The following KRTAP21-1 variants were observed in gnomAD, a reference collection of about 807,000 sequenced individuals.
KRTAP21-1 encodes the protein keratin associated protein 21-1.
For synonymous variants in KRTAP21-1, 29 were observed against 39.7 expected (o/e 0.73, Z 1.01); for missense variants, 75 against 96.3 (o/e 0.78, Z 0.92).
In KRTAP21-1 at chr21:30,755,038, T is replaced by C; in HGVS notation, c.*101A>G. 1.3e-6 allele frequency: 2 copies of C among 1,585,104 alleles called. No individual in the cohort carries two copies. The highest frequency in any genetic ancestry group is 2.2e-5 in the South Asian group (2 of 89,410). ...TAGAGGTCGAAGATTCTGTCAAGCA[T>C]GTAATTCTTGGATATAGAAATCTTG... is the stretch of plus-strand genomic sequence containing the variant. On this transcript the variant is annotated 3_prime_UTR_variant, in exon 1 of 1. Transcript: ENST00000335093.
rs544566176 is a variant in KRTAP21-1 at position 30,755,246 on chromosome 21, G to C, written c.133C>G (p.His45Asp). Residue 45 changes from histidine to aspartate, a missense_variant, in exon 1 of 1, where the codon CAT becomes GAT. Transcript: ENST00000335093. ...GCGYGCGFGS[H>D]YGCGYGTGYG... ...CCAGTTCCATAACCACAGCCATAATGGGAGCCAAACCCACAGCCATACCCA... is the reference window on the plus strand; with the variant it reads ...CCAGTTCCATAACCACAGCCATAATCGGAGCCAAACCCACAGCCATACCCA... The C allele has an allele frequency of 6.2e-7, 1 of 1,613,436 alleles. No homozygotes were observed. The highest frequency in any genetic ancestry group is 1.3e-5 in the African/African-American group (1 of 74,864).
chr21:30,755,361 G>T, the KRTAP21-1 span: 2 of 1,610,136 alleles, frequency 1.2e-6, no homozygotes, highest in South Asian at 2.2e-5. Context: ...AGGAGTTGCC[G>T]TAGTAGTTGC....
In KRTAP21-1 at chr21:30,755,084, G is replaced by C; in HGVS notation, c.*55C>G. 1 of 1,610,196 alleles carries C rather than the reference G, an allele frequency of 6.2e-7. No homozygotes were observed. The highest frequency in any genetic ancestry group is 8.5e-7 in the Non-Finnish European group (1 of 1,179,826). ...TCTTGGAGTACGAATCCTTGAATCAGCATTATCTTCAGACGTGTCATTTTA... is the reference window on the plus strand; with the variant it reads ...TCTTGGAGTACGAATCCTTGAATCACCATTATCTTCAGACGTGTCATTTTA... On this transcript the variant is annotated 3_prime_UTR_variant, in exon 1 of 1. Transcript: ENST00000335093.
chr21:30,755,046 T>C lies in KRTAP21-1; in HGVS notation c.*93A>G. On this transcript the variant is annotated 3_prime_UTR_variant, in exon 1 of 1. Transcript: ENST00000335093. The stretch of plus-strand genomic sequence containing the variant: ...GAAGATTCTGTCAAGCATGTAATTC[T>C]TGGATATAGAAATCTTGGAGTACGA... 2.5e-6 allele frequency: 4 copies of C among 1,594,526 alleles called. No homozygotes were observed. The highest frequency in any genetic ancestry group is 3.4e-6 in the Non-Finnish European group (4 of 1,174,948).
Position 30,755,397 on chromosome 21 carries a change from T to C in KRTAP21-1, c.-19A>G, listed in dbSNP as rs538111756. The C allele has an allele frequency of 3.8e-5, 61 of 1,584,978 alleles. No homozygotes were observed. Among genetic ancestry groups the C allele is most frequent in the Non-Finnish European group, 3.9e-5 (45 of 1,164,416 alleles). ...AACACATGTTGTCAAGAGGAGAGAATTGAGATGGGTTTCAAGAAGATGCTT... is the reference window on the plus strand; with the variant it reads ...AACACATGTTGTCAAGAGGAGAGAACTGAGATGGGTTTCAAGAAGATGCTT... On this transcript the variant is annotated 5_prime_UTR_variant, in exon 1 of 1. Transcript: ENST00000335093.
chr21:30,755,103 C>A lies in KRTAP21-1; in HGVS notation c.*36G>T. On this transcript the variant is annotated 3_prime_UTR_variant, in exon 1 of 1. Transcript: ENST00000335093. ...GAATCAGCATTATCTTCAGACGTGTCATTTTAGAAGCAAATGGTCCTCCGA... is the reference window on the plus strand; with the variant it reads ...GAATCAGCATTATCTTCAGACGTGTAATTTTAGAAGCAAATGGTCCTCCGA... 1 of 1,612,876 alleles carries A rather than the reference C, an allele frequency of 6.2e-7. No homozygotes were observed.
chr21:30,755,081 T>A lies in KRTAP21-1; in HGVS notation c.*58A>T. The A allele has an allele frequency of 1.9e-6, 3 of 1,609,800 alleles. No homozygotes were observed. Among genetic ancestry groups the A allele is most frequent in the East Asian group, 2.2e-5 (1 of 44,872 alleles). ...AAATCTTGGAGTACGAATCCTTGAA[T>A]CAGCATTATCTTCAGACGTGTCATT... On this transcript the variant is annotated 3_prime_UTR_variant, in exon 1 of 1. Coordinates refer to ENST00000335093, the MANE Select transcript of KRTAP21-1 (RefSeq NM_181619.2).
rs147233060 is a variant in KRTAP21-1 at position 30,755,305 on chromosome 21, C to T, written c.74G>A (p.Gly25Asp). Reference sequence around the variant, plus strand: ...GCCAGTTCCATAGCCACAGCCACAGCCAGAGCCAGAGCCATAGCCACAGCC... The same window carrying T: ...GCCAGTTCCATAGCCACAGCCACAGTCAGAGCCAGAGCCATAGCCACAGCC... ...GCGCGYGSGS[G>D]CGCGYGTGYG... is the part of the protein sequence containing the mutation. Residue 25 changes from glycine (G) to aspartate (D), a missense_variant, in exon 1 of 1, where the codon GGC becomes GAC. Physicochemically the swap from Gly to Asp is moderately conservative, Grantham distance 94. Coordinates refer to ENST00000335093, the MANE Select transcript of KRTAP21-1 (RefSeq NM_181619.2). 1,151 of 1,613,342 alleles carry T rather than the reference C, an allele frequency of 7.1e-4. 2 individuals carry two copies. Among genetic ancestry groups the T allele is most frequent in the Non-Finnish European group, 9.3e-4 (1,103 of 1,179,898 alleles).
At position 30,755,302 on chromosome 21, in the gene KRTAP21-1, C is replaced by G. The variant is rs756508715; in HGVS notation, c.77G>C (p.Cys26Ser). The G allele has an allele frequency of 6.2e-7, 1 of 1,612,786 alleles. No homozygotes were observed. Residue 26 changes from cysteine to serine, a missense_variant, in exon 1 of 1, where the codon TGT becomes TCT. By Grantham distance (112) the Cys-to-Ser change is moderately radical (BLOSUM62 -1). Coordinates refer to ENST00000335093, the MANE Select transcript of KRTAP21-1 (RefSeq NM_181619.2). ...CGCGYGSGSG[C>S]GCGYGTGYGC... Reference sequence around the variant, plus strand: ...ATAGCCAGTTCCATAGCCACAGCCACAGCCAGAGCCAGAGCCATAGCCACA... The same window carrying G: ...ATAGCCAGTTCCATAGCCACAGCCAGAGCCAGAGCCAGAGCCATAGCCACA...
chr21:30,755,284 G>A lies in KRTAP21-1; in HGVS notation c.95C>T (p.Thr32Ile), dbSNP rs765137886. 1 of 1,613,540 alleles carries A rather than the reference G, an allele frequency of 6.2e-7. No homozygotes were observed. The highest frequency in any genetic ancestry group is 1.1e-5 in the South Asian group (1 of 91,032). ...SGSGCGCGYG[T>I]GYGCGYGCGF... ...ACAGCCATACCCACAGCCATAGCCA[G>A]TTCCATAGCCACAGCCACAGCCAGA... Residue 32 changes from threonine (T) to isoleucine (I), a missense_variant, in exon 1 of 1, where the codon ACT becomes ATT. Transcript: ENST00000335093.
Position 30,755,217 on chromosome 21 carries a change from A to G in KRTAP21-1, c.162T>C (p.Tyr54=), listed in dbSNP as rs773785401. ...CAGAGCCAGAGCCATATCCACAGCC[A>G]TAGCCAGTTCCATAACCACAGCCAT... ...SHYGCGYGTG[Y]GCGYGSGSGY... is the part of the protein sequence containing the mutation. The change falls in exon 1 of 1, where the codon TAT becomes TAC. Residue 54 remains tyrosine, a synonymous_variant. Transcript: ENST00000335093. 2 of 1,613,896 alleles carry G rather than the reference A, an allele frequency of 1.2e-6. No individual in the cohort carries two copies. Among genetic ancestry groups the G allele is most frequent in the Non-Finnish European group, 8.5e-7 (1 of 1,179,862 alleles).
chr21:30,755,225 T>C lies in KRTAP21-1; in HGVS notation c.154A>G (p.Thr52Ala). 1 of 1,613,502 alleles carries C rather than the reference T, an allele frequency of 6.2e-7. No homozygotes were observed. Among genetic ancestry groups the C allele is most frequent in the South Asian group, 1.1e-5 (1 of 91,026 alleles). ...FGSHYGCGYGTGYGCGYGSGS... is the reference protein window; with the variant it reads ...FGSHYGCGYGAGYGCGYGSGS... ...GAGCCATATCCACAGCCATAGCCAG[T>C]TCCATAACCACAGCCATAATGGGAG... Residue 52 changes from threonine to alanine, a missense_variant, in exon 1 of 1, where the codon ACT (threonine) becomes GCT (alanine). Coordinates refer to ENST00000335093, the MANE Select transcript of KRTAP21-1 (RefSeq NM_181619.2).
In KRTAP21-1 at chr21:30,755,021, G is replaced by A. The variant is rs1162959342; in HGVS notation, c.*118C>T. ...TCAAAGAAATGTGAGGCTAGAGGTC[G>A]AAGATTCTGTCAAGCATGTAATTCT... On this transcript the variant is annotated 3_prime_UTR_variant, in exon 1 of 1. Coordinates refer to ENST00000335093, the MANE Select transcript of KRTAP21-1 (RefSeq NM_181619.2). 1.4e-5 allele frequency: 21 copies of A among 1,540,864 alleles called. No homozygotes were observed. The highest frequency in any genetic ancestry group is 7.4e-5 in the Admixed American group (4 of 54,268).
Position 30,755,242 on chromosome 21 carries a change from T to A in KRTAP21-1, c.137A>T (p.Tyr46Phe). 6.2e-7 allele frequency: 1 copy of A among 1,613,356 alleles called. No individual in the cohort carries two copies. Among genetic ancestry groups the A allele is most frequent in the African/African-American group, 1.3e-5 (1 of 74,840 alleles). ...ATAGCCAGTTCCATAACCACAGCCA[T>A]AATGGGAGCCAAACCCACAGCCATA... is the stretch of plus-strand genomic sequence containing the variant. ...CGYGCGFGSH[Y>F]GCGYGTGYGC... Residue 46 changes from tyrosine (Y) to phenylalanine (F), a missense_variant, in exon 1 of 1, where the codon TAT (tyrosine) becomes TTT (phenylalanine). Physicochemically the swap from Tyr to Phe is conservative, Grantham distance 22. Transcript: ENST00000335093.
rs531024587 is a variant in KRTAP21-1, at chr21:30,755,062, TG to T, written c.*76del. 9.4e-5 allele frequency: 150 copies of T among 1,603,336 alleles called. No homozygotes were observed. The African/African-American group carries it at 1.9e-3, about 21-fold the overall frequency. On this transcript the variant is annotated 3_prime_UTR_variant, in exon 1 of 1. Coordinates refer to ENST00000335093, the MANE Select transcript of KRTAP21-1 (RefSeq NM_181619.2). Reference sequence around the variant, plus strand: ...ATGTAATTCTTGGATATAGAAATCTTGGAGTACGAATCCTTGAATCAGCATT... The same window carrying T: ...ATGTAATTCTTGGATATAGAAATCTTGAGTACGAATCCTTGAATCAGCATT...
Position 30,755,158 on chromosome 21 carries a change from C to T in KRTAP21-1, c.221G>A (p.Arg74Lys), listed in dbSNP as rs1428012505. 1.2e-6 allele frequency: 2 copies of T among 1,614,022 alleles called. No individual in the cohort carries two copies. Among genetic ancestry groups the T allele is most frequent in the African/African-American group, 2.7e-5 (2 of 74,928 alleles). Residue 74 changes from arginine to lysine, a missense_variant, in exon 1 of 1, where the codon AGA becomes AAA. By Grantham distance (26) the Arg-to-Lys change is conservative. Coordinates refer to ENST00000335093, the MANE Select transcript of KRTAP21-1 (RefSeq NM_181619.2). ...YCGYRPFCFRRCYSSC is the reference protein window; with the variant it reads ...YCGYRPFCFRKCYSSC ...GATGTTTTAGCAGGAAGAATAGCAT[C>T]TTCTAAAGCAAAATGGCCGGTAGCC... is the stretch of plus-strand genomic sequence containing the variant.
At position 30,755,185 on chromosome 21, in the gene KRTAP21-1, C is replaced by T. The variant is rs1983798617; in HGVS notation, c.194G>A (p.Cys65Tyr). 6.2e-7 allele frequency: 1 copy of T among 1,614,024 alleles called. No homozygotes were observed. Among genetic ancestry groups the T allele is most frequent in the African/African-American group, 1.3e-5 (1 of 74,912 alleles). ...GCGYGSGSGY[C>Y]GYRPFCFRRC... ...TCTAAAGCAAAATGGCCGGTAGCCA[C>T]AGTAGCCAGAGCCAGAGCCATATCC... The change falls in exon 1 of 1, where the codon TGT becomes TAT. Residue 65 changes from cysteine (C) to tyrosine (Y), a missense_variant. By Grantham distance (194) the Cys-to-Tyr change is radical. Coordinates refer to ENST00000335093, the MANE Select transcript of KRTAP21-1 (RefSeq NM_181619.2).
chr21:30,755,069 C>CGAA lies in KRTAP21-1; in HGVS notation c.*67_*69dup, dbSNP rs1471290796. 6.2e-7 allele frequency: 1 copy of CGAA among 1,605,594 alleles called. No individual in the cohort carries two copies. Among genetic ancestry groups the CGAA allele is most frequent in the Non-Finnish European group, 8.5e-7 (1 of 1,179,132 alleles). ...TCTTGGATATAGAAATCTTGGAGTA[C>CGAA]GAATCCTTGAATCAGCATTATCTTC... On this transcript the variant is annotated 3_prime_UTR_variant, in exon 1 of 1. Coordinates refer to ENST00000335093, the MANE Select transcript of KRTAP21-1 (RefSeq NM_181619.2).
Position 30,755,419 on chromosome 21 carries a change from G to T in KRTAP21-1, c.-41C>A. ...GAATTGAGATGGGTTTCAAGAAGAT[G>T]CTTCTGAGGTGTGGATGTCTTCTAC... On this transcript the variant is annotated 5_prime_UTR_variant, in exon 1 of 1. Transcript: ENST00000335093. 6.4e-7 allele frequency: 1 copy of T among 1,558,978 alleles called. No homozygotes were observed. Among genetic ancestry groups the T allele is most frequent in the Non-Finnish European group, 8.7e-7 (1 of 1,151,808 alleles).
Sources: gnomAD v4.1 joint callset for allele counts on GRCh38, gnomAD v4.1.1 for gene constraint, MANE v1.5 for transcripts, NCBI Gene and HGNC (gene_info 2026-07-23, HGNC 2026-07-21) for gene names.